DOCK6: variants seen among roughly 807,000 people sequenced by gnomAD.
DOCK6 encodes dedicator of cytokinesis protein 6.
A neutral mutation model predicts 230.3 loss-of-function variants in DOCK6; 167 were observed. The ratio of observed to expected loss-of-function variants is 0.73; its 90% confidence interval spans 0.64 to 0.82. The LOEUF (loss-of-function observed/expected upper bound fraction) is 0.82, where lower values mean the gene tolerates loss of function less well. Among genes scored for constraint, DOCK6 ranks in the 40% least tolerant of loss-of-function variants. The pLI, the probability that DOCK6 is intolerant of heterozygous loss-of-function variation, is 0.00. For synonymous variants in DOCK6, 1,148 were observed against 1,185.0 expected, an observed-to-expected ratio of 0.97 and a Z score of 0.64; for missense variants, 2,598 against 2,825.8, an observed-to-expected ratio of 0.92 and a Z score of 1.83.
At chr19:11,246,347 GC>G (rs1233478198) in intron 7 of DOCK6, among the ~76,000 whole-genome samples, 1 of 151,962 alleles carries the variant, frequency 6.6e-6, no homozygotes, top group African/African-American at 2.4e-5. Context: ...CTCAAGTGAT[GC>G]CCCCGCCTCT....
chr19:11,204,347 G>C lies in DOCK6; in HGVS notation c.5089-16C>G. Reference sequence around the variant, plus strand: ...AGAGCCCGCCCTGAGGGTGAGGTGGGGTCAGGATTCCCCAAACTGTCTTCC... The same window carrying C: ...AGAGCCCGCCCTGAGGGTGAGGTGGCGTCAGGATTCCCCAAACTGTCTTCC... On this transcript the variant is annotated splice_polypyrimidine_tract_variant and intron_variant, in intron 39 of 47. Transcript: ENST00000294618. The C allele has an allele frequency of 6.2e-7, 1 of 1,608,114 alleles. No homozygotes were observed. Among genetic ancestry groups the C allele is most frequent in the South Asian group, 1.1e-5 (1 of 90,762 alleles).
chr19:11,201,822 C>T lies in DOCK6; in HGVS notation c.5688+67G>A, dbSNP rs1238883627. ...GTCTGGGTCCCTGTGTCTACCCTCC[C>T]CTCCCCTCCCAGGGTCTGATGTCCC... is the stretch of plus-strand genomic sequence containing the variant. On this transcript the variant is annotated intron_variant, in intron 44 of 47. Coordinates refer to ENST00000294618, the MANE Select transcript of DOCK6 (RefSeq NM_020812.4). This position sits in a 1 kb window ranked among gnomAD's most constrained non-coding sequence, Gnocchi z 4.3. 7.4e-7 allele frequency: 1 copy of T among 1,343,044 alleles called. No homozygotes were observed. The highest frequency in any genetic ancestry group is 1.0e-6 in the Non-Finnish European group (1 of 988,704). The allele number at this position is 1,343,044 out of a possible 1,614,324, so 83.2% of individuals were successfully genotyped here. A position where few individuals can be genotyped will look rare whatever the true frequency, so the allele number is the denominator to read the frequency against.
At position 11,252,966 on chromosome 19, in the gene DOCK6, G is replaced by A. The variant is rs778223744; in HGVS notation, c.133-8C>T. On this transcript the variant is annotated splice_polypyrimidine_tract_variant and splice_region_variant and intron_variant, in intron 2 of 47. Coordinates refer to ENST00000294618, the MANE Select transcript of DOCK6 (RefSeq NM_020812.4). ...AACTTCAGTCAGTGGGACCTGGATT[G>A]GAGCAAAGTGGCTGTGATCGCACTA... The A allele has an allele frequency of 1.9e-6, 3 of 1,597,946 alleles. No individual in the cohort carries two copies. The highest frequency in any genetic ancestry group is 1.1e-5 in the South Asian group (1 of 88,738).
chr19:11,225,131 G>A (rs1599235557), intron 24 of DOCK6, among the ~76,000 whole-genome samples: 1 of 152,320 alleles, frequency 6.6e-6, no homozygotes, highest in African/African-American at 2.4e-5. Flanking sequence ...AGGAGGCTGA[G>A]GCAGGAGAAT....
rs749907752 is a variant in DOCK6 at position 11,202,578 on chromosome 19, A to C, written c.5361+6T>G. 1 of 1,613,938 alleles carries C rather than the reference A, an allele frequency of 6.2e-7. No individual in the cohort carries two copies. Among genetic ancestry groups the C allele is most frequent in the Admixed American group, 1.7e-5 (1 of 60,028 alleles). ...CCCCGTTCCACCCCCAACCACAAGG[A>C]CGTGCCTCCAGCCGGTGTGAGATCT... is the stretch of plus-strand genomic sequence containing the variant. On this transcript the variant is annotated splice_donor_region_variant and intron_variant, in intron 42 of 47. Transcript: ENST00000294618. This position sits in a 1 kb window ranked among gnomAD's most constrained non-coding sequence, Gnocchi z 5.3.
chr19:11,200,567 G>A lies in DOCK6; in HGVS notation c.5940-98C>T, dbSNP rs996330326. 29 of 1,533,540 alleles carry A rather than the reference G, an allele frequency of 1.9e-5. No homozygotes were observed. The Admixed American group carries it at 5.3e-4, about 28-fold the overall frequency. The allele number at this position is 1,533,540 out of a possible 1,614,324, so 95.0% of individuals were successfully genotyped here. A position where few individuals can be genotyped will look rare whatever the true frequency, so the allele number is the denominator to read the frequency against. ...CCCATAAGGCGGGACCAGGCCTGCA[G>A]AAAGACCCGCAATAGGAGGTCAGGT... On this transcript the variant is annotated intron_variant, in intron 46 of 47. Transcript: ENST00000294618. This position sits in a 1 kb window ranked among gnomAD's most constrained non-coding sequence, Gnocchi z 4.3.
chr19:11,204,918 T>C (rs1314959504), intron 39 of DOCK6, among the ~76,000 whole-genome samples: 1 of 152,160 alleles, frequency 6.6e-6, no homozygotes, highest in East Asian at 1.9e-4. Flanking sequence ...CTGTCTTCCC[T>C]CATTGATGGG....
At position 11,234,749 on chromosome 19, in the gene DOCK6, A is replaced by C. The variant is rs554563109; in HGVS notation, c.2554+849T>G. ...TCAGCTTCAGTCTCCGCTCCAAGCT[A>C]CTGAAGAGGCTTGCTGACTATCTGA... On this transcript the variant is annotated intron_variant, in intron 21 of 47. Transcript: ENST00000294618. 9.2e-5 allele frequency among the ~76,000 whole-genome samples: 14 copies of C among 152,302 alleles called. No individual in the cohort carries two copies. In the South Asian group the frequency reaches 2.7e-3, roughly 29 times the overall value.
intron 20 of DOCK6, 118 bp from the exon 21 acceptor site, chr19:11,235,877 ATTTTTTTT>A (rs56665433): frequency 7.9e-6 from 7 of 886,200 alleles, no homozygotes; most frequent in African/African-American, 4.1e-5. Flanking sequence ...GGGGTCACAA[ATTTTTTTT>A]TTTTTTTTTT....
Position 11,237,512 on chromosome 19 carries a change from A to G in DOCK6, c.2017T>C (p.Cys673Arg), listed in dbSNP as rs1276431683. ...GGCTGGTCCACAGACACTGGGAGAC[A>G]GAAGGGGCCGGTCCTCAGGCGCCCG... is the stretch of plus-strand genomic sequence containing the variant. ...QHGRLRTGPF[C>R]LPVSVDQPPP... Residue 673 changes from cysteine to arginine, a missense_variant, in exon 18 of 48, where the codon TGT becomes CGT. Coordinates refer to ENST00000294618, the MANE Select transcript of DOCK6 (RefSeq NM_020812.4). 1 of 1,612,966 alleles carries G rather than the reference A, an allele frequency of 6.2e-7. No homozygotes were observed. The highest frequency in any genetic ancestry group is 8.5e-7 in the Non-Finnish European group (1 of 1,179,642).
chr19:11,234,045 G>C (rs1051629393), intron 21 of DOCK6, among the ~76,000 whole-genome samples: 3 of 151,784 alleles, frequency 2.0e-5, no homozygotes, highest in Admixed American at 2.0e-4. Flanking sequence ...CTGTCGCCAG[G>C]CTGGAGTCCA....
chr19:11,250,724 G>C, intron 6 of DOCK6, 150 bp downstream of exon 6: 1 of 745,676 alleles, frequency 1.3e-6, no homozygotes, highest in Non-Finnish European at 2.1e-6. Context: ...ATAAACATAG[G>C]ATATACAGTA....
rs751027474 is a variant in DOCK6 at position 11,202,728 on chromosome 19, G to T, written c.5236-19C>A. On this transcript the variant is annotated intron_variant, in intron 41 of 47. Transcript: ENST00000294618. The surrounding 1 kb of genome is among the most constrained non-coding windows in gnomAD (Gnocchi z 5.3). The stretch of plus-strand genomic sequence containing the variant: ...ACACGCGCTGGGGCTGTGAGAAAGG[G>T]TGTGGTTGTCCGGGAGGCCCCTGCT... 5 of 1,612,822 alleles carry T rather than the reference G, an allele frequency of 3.1e-6. No homozygotes were observed. In the East Asian group the frequency reaches 1.1e-4, roughly 36 times the overall value.
Position 11,200,436 on chromosome 19 carries a change from C to G in DOCK6, c.5973G>C (p.Leu1991=), listed in dbSNP as rs1236902470. ...GGTACTCCTTCTGGTCCGGCCCAAT[C>G]AGGGCCTTATTTTTCCGCAGCGCAT... ...CEDALRKNKA[L]IGPDQKEYHR... The change falls in exon 47 of 48, where the codon CTG becomes CTC. Residue 1991 remains leucine (L), a synonymous_variant. Coordinates refer to ENST00000294618, the MANE Select transcript of DOCK6 (RefSeq NM_020812.4). The surrounding 1 kb of genome is among the most constrained non-coding windows in gnomAD (Gnocchi z 4.3). The G allele has an allele frequency of 2.5e-6, 4 of 1,611,624 alleles. No homozygotes were observed. The highest frequency in any genetic ancestry group is 1.7e-5 in the Admixed American group (1 of 59,750).
Position 11,202,251 on chromosome 19 carries a change from A to C in DOCK6, c.5452-126T>G. ...TCTTCCTATGTCTGGATGTTTGGGA[A>C]TCCCCTGAGGAATAGGTTTTGGGGT... On this transcript the variant is annotated intron_variant, in intron 43 of 47. Coordinates refer to ENST00000294618, the MANE Select transcript of DOCK6 (RefSeq NM_020812.4). The surrounding 1 kb of genome is among the most constrained non-coding windows in gnomAD (Gnocchi z 5.3). 1 of 1,378,268 alleles carries C rather than the reference A, an allele frequency of 7.3e-7. No individual in the cohort carries two copies. Among genetic ancestry groups the C allele is most frequent in the Non-Finnish European group, 1.0e-6 (1 of 997,116 alleles). The allele number at this position is 1,378,268 out of a possible 1,614,324, so 85.4% of individuals were successfully genotyped here. A position where few individuals can be genotyped will look rare whatever the true frequency, so the allele number is the denominator to read the frequency against.
At chr19:11,231,117 C>T (rs913567122) in intron 22 of DOCK6, among the ~76,000 whole-genome samples, 1 of 152,176 alleles carries the variant, frequency 6.6e-6, no homozygotes, top group Non-Finnish European at 1.5e-5. Context: ...TGCTAGGAGT[C>T]CCCTGGGCCT....
chr19:11,227,385 A>T lies in DOCK6; in HGVS notation c.2907T>A (p.Thr969=). The change falls in exon 24 of 48, where the codon ACT becomes ACA. Residue 969 remains threonine, a synonymous_variant. Coordinates refer to ENST00000294618, the MANE Select transcript of DOCK6 (RefSeq NM_020812.4). ...RFPGRFLDDI[T]ALVGSVGLEV... ...CCAGGCCCACAGAGCCCACCAAGGCAGTGATGTCGTCCAGGAAGCGTCCGG... is the reference window on the plus strand; with the variant it reads ...CCAGGCCCACAGAGCCCACCAAGGCTGTGATGTCGTCCAGGAAGCGTCCGG... 6.2e-7 allele frequency: 1 copy of T among 1,613,848 alleles called. No homozygotes were observed.
chr19:11,235,468 C>T (rs927791588), intron 21 of DOCK6, 130 bp downstream of exon 21: 1 of 934,942 alleles, frequency 1.1e-6, no homozygotes, highest in African/African-American at 1.7e-5. Context: ...CCAAGTTGAT[C>T]TCGAACTCCT....
rs192408908 is a variant in DOCK6, at chr19:11,253,280, C to A, written c.133-322G>T. ...GAGACAATTCCTAAAGCCTCCGCAACCCTGTGGGCAACATGGCCCCACCCC... is the reference window on the plus strand; with the variant it reads ...GAGACAATTCCTAAAGCCTCCGCAAACCTGTGGGCAACATGGCCCCACCCC... On this transcript the variant is annotated intron_variant, in intron 2 of 47. Coordinates refer to ENST00000294618, the MANE Select transcript of DOCK6 (RefSeq NM_020812.4). Among the ~76,000 whole-genome samples the A allele has an allele frequency of 2.2e-3, 328 of 152,258 alleles. 2 individuals carry two copies. Among genetic ancestry groups the A allele is most frequent in the African/African-American group, 7.6e-3 (317 of 41,550 alleles).
Sources: allele counts gnomAD v4.1 joint callset (sites outside exome capture counted in the v4.1 genomes callset), GRCh38; gene constraint gnomAD v4.1.1; non-coding constraint Gnocchi (gnomAD v3.1); transcripts MANE v1.5; gene names NCBI Gene and HGNC (gene_info 2026-07-23, HGNC 2026-07-21).